Variants in TG observed in about 807,000 individuals in gnomAD.
TG encodes the protein thyroglobulin, also known as thyroid hormones.
TG carries 270 observed loss-of-function variants against 324.7 expected under a neutral mutation model. The observed-to-expected ratio is 0.83, with a 90% CI of 0.75 to 0.92. The LOEUF is 0.92. Ranked by LOEUF, TG falls within the 40% of genes least tolerant of loss-of-function variation. TG has a pLI of 0.00. For synonymous variants in TG, 1,401 were observed against 1,327.0 expected, an observed-to-expected ratio of 1.06 and a Z score of -1.21; for missense variants, 3,591 against 3,456.4, an observed-to-expected ratio of 1.04 and a Z score of -0.98.
At chr8:132,985,142 A>G (rs1831368099) in intron 35 of TG, among the ~76,000 whole-genome samples, 1 of 152,238 alleles carries the variant, frequency 6.6e-6, no homozygotes, top group South Asian at 2.1e-4. Context: ...ATCAAAAATA[A>G]TCAGAAAATA....
At chr8:132,908,748 AAG>A (rs1819064684) in intron 18 of TG, among the ~76,000 whole-genome samples, 1 of 152,142 alleles carries the variant, frequency 6.6e-6, no homozygotes, top group South Asian at 2.1e-4. Flanking sequence ...GGTAAGAGCT[AAG>A]AGGGGAAATA....
At position 133,083,661 on chromosome 8, in the gene TG, G is replaced by A. The variant is rs117310387; in HGVS notation, c.7240-11383G>A. Among the ~76,000 whole-genome samples, 98 of 152,088 alleles carry A rather than the reference G, an allele frequency of 6.4e-4. 1 individual carries two copies. The East Asian group carries it at 0.016, about 25-fold the overall frequency. ...AGAGTCAGTAAGATTTCTTCAACCC[G>A]AAAGCCCATGATCTCTCTATTTTTT... On this transcript the variant is annotated intron_variant, in intron 41 of 47. Coordinates refer to ENST00000220616, the MANE Select transcript of TG (RefSeq NM_003235.5).
chr8:133,064,672 A>G (rs192008244), intron 41 of TG, among the ~76,000 whole-genome samples: 1 of 152,234 alleles, frequency 6.6e-6, no homozygotes, highest in African/African-American at 2.4e-5. Flanking sequence ...GCCGTCGACA[A>G]CGTGGGATAT....
At chr8:132,988,303 A>ACAGAT (rs1831858455) in intron 35 of TG, among the ~76,000 whole-genome samples, 1 of 152,124 alleles carries the variant, frequency 6.6e-6, no homozygotes, top group African/African-American at 2.4e-5. Context: ...GATGGCCAAG[A>ACAGAT]GGAGAATGGA....
At chr8:133,016,387 C>A (rs1835029100) in intron 37 of TG, among the ~76,000 whole-genome samples, 2 of 152,212 alleles carry the variant, frequency 1.3e-5, no homozygotes, top group Admixed American at 6.5e-5. Flanking sequence ...GCATCTCTCC[C>A]TGACCCCTGT....
intron 45 of TG, among the ~76,000 whole-genome samples, chr8:133,122,568 G>T (rs7818360): frequency 0.05 from 7,602 of 152,198 alleles, 627 homozygotes; most frequent in African/African-American, 0.18. Context: ...CTTACTATCT[G>T]TGTGGCCTTG....
At chr8:132,917,386 ATATG>A (rs1820493838) in intron 20 of TG, among the ~76,000 whole-genome samples, 1 of 125,110 alleles carries the variant, frequency 8.0e-6, no homozygotes, top group African/African-American at 2.5e-5. Flanking sequence ...TTGTGCATGT[ATATG>A]TGTGTGTGTG....
chr8:132,871,352 G>A lies in TG; in HGVS notation c.279G>A (p.Leu93=). 1.2e-6 allele frequency: 2 copies of A among 1,614,204 alleles called. No individual in the cohort carries two copies. Among genetic ancestry groups the A allele is most frequent in the East Asian group, 2.2e-5 (1 of 44,886 alleles). ...SRQPGRPVAC[L]SFCQLQKQQI... ...CATTGCTCCTTGTACCCACAGGTCT[G>A]TCATTTTGTCAGCTACAGAAACAGC... The change falls in exon 4 of 48, where the codon CTG becomes CTA. Residue 93 remains leucine, a synonymous_variant. Coordinates refer to ENST00000220616, the MANE Select transcript of TG (RefSeq NM_003235.5).
intron 34 of TG, among the ~76,000 whole-genome samples, chr8:132,981,439 C>T (rs1442980406): frequency 6.6e-6 from 1 of 152,224 alleles, no homozygotes; most frequent in African/African-American, 2.4e-5. Flanking sequence ...TCAAATTATT[C>T]TCTGAAGATT....
In TG at chr8:133,134,770, A is replaced by C; in HGVS notation, c.8283A>C (p.Pro2761=). The change falls in exon 48 of 48, where the codon CCA becomes CCC. Residue 2761 remains proline, a synonymous_variant. Coordinates refer to ENST00000220616, the MANE Select transcript of TG (RefSeq NM_003235.5). ...AAGATCTCCTAAGCCTCCAGGAACCAGGCTCTAAGACCTACAGCAAGTGAC... is the reference window on the plus strand; with the variant it reads ...AAGATCTCCTAAGCCTCCAGGAACCCGGCTCTAAGACCTACAGCAAGTGAC... ...LREDLLSLQE[P]GSKTYSK 1 of 1,614,184 alleles carries C rather than the reference A, an allele frequency of 6.2e-7. No homozygotes were observed. The highest frequency in any genetic ancestry group is 8.5e-7 in the Non-Finnish European group (1 of 1,180,014).
intron 27 of TG, among the ~76,000 whole-genome samples, chr8:132,949,866 C>T (rs1354361342): frequency 6.6e-6 from 1 of 152,206 alleles, no homozygotes; most frequent in East Asian, 1.9e-4. Flanking sequence ...CCTGCACTGC[C>T]TCTCCCAGCA....
intron 30 of TG, among the ~76,000 whole-genome samples, chr8:132,967,164 ACCATCCAT>A (rs1267758560): frequency 8.1e-6 from 1 of 123,988 alleles, no homozygotes; most frequent in African/African-American, 3.0e-5. Context: ...CACCCATCCA[ACCATCCAT>A]CCATCCATGT....
chr8:132,937,012 C>T (rs897811620), intron 25 of TG, among the ~76,000 whole-genome samples: 6 of 151,490 alleles, frequency 4.0e-5, no homozygotes, highest in Non-Finnish European at 8.8e-5. Context: ...AGGTCATCGG[C>T]AGATTGGAAT....
At chr8:133,017,524 A>C in intron 37 of TG, among the ~76,000 whole-genome samples, 1 of 152,204 alleles carries the variant, frequency 6.6e-6, no homozygotes, top group East Asian at 1.9e-4. Context: ...ATCCATGTAT[A>C]GAAGGGATTA....
At chr8:132,933,329 TAGGTGTATATTTGTGTGTCTTTG>T (rs1823045760) in intron 23 of TG, among the ~76,000 whole-genome samples, 1 of 151,306 alleles carries the variant, frequency 6.6e-6, no homozygotes, top group African/African-American at 2.4e-5. Context: ...TGTGTGTCTT[TAGGTGTATATTTGTGTGTCTTTG>T]TGTGTTTGGA....
In TG at chr8:133,132,055, G is replaced by A. The variant is rs1007345885; in HGVS notation, c.7997+109G>A. 4.3e-5 allele frequency: 65 copies of A among 1,521,392 alleles called. No individual in the cohort carries two copies. The African/African-American group carries it at 6.0e-4, about 14-fold the overall frequency. The allele number at this position is 1,521,392 out of a possible 1,614,324, so 94.2% of individuals were successfully genotyped here. ...CATCGATAGACTCATCCTTTCCTCC[G>A]TAGACACTATAATCACCAGCCACTG... On this transcript the variant is annotated intron_variant, in intron 46 of 47. Transcript: ENST00000220616.
At chr8:133,026,500 G>A (rs1160581396) in intron 40 of TG, among the ~76,000 whole-genome samples, 1 of 152,208 alleles carries the variant, frequency 6.6e-6, no homozygotes, top group South Asian at 2.1e-4. Flanking sequence ...ACCCCAGGGG[G>A]CATCTGGCAC....
At chr8:132,946,037 TACACAC>T (rs5895165) in intron 26 of TG, among the ~76,000 whole-genome samples, 11,920 of 116,912 alleles carry the variant, frequency 0.1, 551 homozygotes, top group Non-Finnish European at 0.13. Context: ...AAAAATATGT[TACACAC>T]ACACACACAC....
chr8:132,900,329 C>T lies in TG; in HGVS notation c.3423C>T (p.Ser1141=). The change falls in exon 15 of 48, where the codon AGC becomes AGT. Residue 1141 remains serine, a synonymous_variant. Transcript: ENST00000220616. ...AAGAGTTGCGGCCTGGCTCGAGCAG[C>T]AGTGCCCAGTGTGAGTAGCAGCCCC... ...SGEELRPGSS[S]SAQCPSLCNV... The T allele has an allele frequency of 6.2e-7, 1 of 1,612,190 alleles. No homozygotes were observed. Among genetic ancestry groups the T allele is most frequent in the African/African-American group, 1.3e-5 (1 of 75,028 alleles).
Sources: allele counts gnomAD v4.1 joint callset (sites outside exome capture counted in the v4.1 genomes callset), GRCh38; gene constraint gnomAD v4.1.1; transcripts MANE v1.5; gene names NCBI Gene and HGNC (gene_info 2026-07-23, HGNC 2026-07-21).